The following KDSR variants were observed in gnomAD, a reference collection of about 807,000 sequenced individuals.
KDSR encodes 3-dehydrosphinganine reductase.
Under a neutral mutation model 41.3 loss-of-function variants are expected in KDSR, and 23 were observed. The ratio of observed to expected loss-of-function variants is 0.56; its 90% CI spans 0.40 to 0.79. The LOEUF is 0.79. Ranked by LOEUF, KDSR falls within the 30% of genes least tolerant of loss-of-function variation. The pLI is 0.00. For synonymous variants in KDSR, 138 were observed against 151.7 expected (o/e 0.91, Z 0.66); for missense variants, 351 against 416.8 (o/e 0.84, Z 1.37).
intron 7 of KDSR, among the ~76,000 whole-genome samples, chr18:63,342,083 CTCTTG>C: frequency 6.7e-6 from 1 of 150,090 alleles, no homozygotes; most frequent in East Asian, 2.0e-4. Context: ...GCACGAGAAT[CTCTTG>C]AACCCAGGAG....
chr18:63,341,312 A>C (rs1389852129), intron 7 of KDSR, among the ~76,000 whole-genome samples: 1 of 152,218 alleles, frequency 6.6e-6, no homozygotes, highest in East Asian at 1.9e-4. Flanking sequence ...GAAATCCATG[A>C]AATAAGGCAA....
Position 63,331,282 on chromosome 18 carries a change from GAGACAGA to G in KDSR, c.*493_*499del, listed in dbSNP as rs1568273610. 8.4e-5 allele frequency: 3 copies of G among 35,914 alleles called. No homozygotes were observed. The highest frequency in any genetic ancestry group is 3.2e-4 in the African/African-American group (3 of 9,452). 2.2% of individuals were successfully genotyped at this position (35,914 alleles called of 1,614,324 possible). ...AAAGAAAGAAAGAGAGAGAGAGAGA[GAGACAGA>G]GAGACAGAGAGACAGAGAGACAGAG... On this transcript the variant is annotated 3_prime_UTR_variant, in exon 10 of 10. Coordinates refer to ENST00000645214, the MANE Select transcript of KDSR (RefSeq NM_002035.4).
rs182695654 is a variant in KDSR at position 63,364,209 on chromosome 18, C to T, written c.109-1341G>A. Among the ~76,000 whole-genome samples the T allele has an allele frequency of 3.9e-5, 6 of 152,270 alleles. No individual in the cohort carries two copies. In the East Asian group the frequency reaches 1.2e-3, roughly 29 times the overall value. The stretch of plus-strand genomic sequence containing the variant: ...AAGCCTTCACTGTCTCCCCTGCCCC[C>T]ACACTGACACACTTTTCAGCACTGT... On this transcript the variant is annotated intron_variant, in intron 1 of 9. Transcript: ENST00000645214.
intron 6 of KDSR, among the ~76,000 whole-genome samples, chr18:63,346,818 C>T (rs982447241): frequency 3.3e-5 from 5 of 152,158 alleles, no homozygotes; most frequent in African/African-American, 7.2e-5. Flanking sequence ...ATGCCAGTAT[C>T]GTTCTAAGAA....
intron 6 of KDSR, among the ~76,000 whole-genome samples, chr18:63,348,188 A>G (rs1226115824): frequency 6.6e-6 from 1 of 152,108 alleles, no homozygotes; most frequent in Non-Finnish European, 1.5e-5. Flanking sequence ...ACACACTTGT[A>G]GTCCCAGCTA....
In KDSR at chr18:63,330,839, G is replaced by T. The variant is rs181309339; in HGVS notation, c.*943C>A. On this transcript the variant is annotated 3_prime_UTR_variant, in exon 10 of 10. Transcript: ENST00000645214. ...TTTTTTTTTTTACAAAAATATTACA[G>T]CAGTATAAGCAAAATTGGAAAGGAA... is the stretch of plus-strand genomic sequence containing the variant. The T allele has an allele frequency of 4.1e-5, 9 of 219,048 alleles. No homozygotes were observed. In the East Asian group the frequency reaches 5.8e-4, roughly 14 times the overall value. The allele number at this position is 219,048 out of a possible 1,614,324, so 13.6% of individuals were successfully genotyped here. A position where few individuals can be genotyped will look rare whatever the true frequency, so the allele number is the denominator to read the frequency against.
chr18:63,360,286 G>T (rs531513122), intron 2 of KDSR, among the ~76,000 whole-genome samples: 56 of 152,242 alleles, frequency 3.7e-4, no homozygotes, highest in African/African-American at 1.3e-3. Context: ...ACTAGGCCTG[G>T]CTACTATAAA....
chr18:63,337,882 C>T lies in KDSR; in HGVS notation c.777+918G>A, dbSNP rs111730263. Among the ~76,000 whole-genome samples, 107 of 152,266 alleles carry T rather than the reference C, an allele frequency of 7.0e-4. 1 individual carries two copies. The highest frequency in any genetic ancestry group is 2.4e-3 in the African/African-American group (100 of 41,556). ...GGCAGAGGTTGCAGTGAGCCAAGAT[C>T]GTGCCACTGCACTCCAGCCTGGGCA... is the stretch of plus-strand genomic sequence containing the variant. On this transcript the variant is annotated intron_variant, in intron 8 of 9. Transcript: ENST00000645214.
chr18:63,341,482 AAAG>A (rs1914338464), intron 7 of KDSR, among the ~76,000 whole-genome samples: 1 of 152,076 alleles, frequency 6.6e-6, no homozygotes, highest in African/African-American at 2.4e-5. Context: ...TTAAAAAAAA[AAAG>A]AGAGAGAAAA....
chr18:63,348,954 A>T (rs2144363659), intron 6 of KDSR, among the ~76,000 whole-genome samples: 1 of 152,364 alleles, frequency 6.6e-6, no homozygotes, highest in African/African-American at 2.4e-5. Context: ...CCTGGGGTCA[A>T]GGCTTGGATC....
At chr18:63,359,820 T>C (rs769801640) in intron 2 of KDSR, 28 bp from the exon 3 acceptor site, 11 of 1,533,902 alleles carry the variant, frequency 7.2e-6, no homozygotes, top group African/African-American at 2.7e-5. Context: ...TAATTAGTCG[T>C]GATGACCGTC....
Position 63,327,756 on chromosome 18 carries a change from TA to T in KDSR, c.*4025del, listed in dbSNP as rs1913847574. The T allele has an allele frequency of 5.5e-6, 1 of 182,822 alleles. No homozygotes were observed. Among genetic ancestry groups the T allele is most frequent in the South Asian group, 2.0e-4 (1 of 5,106 alleles). The allele number at this position is 182,822 out of a possible 1,614,324, so 11.3% of individuals were successfully genotyped here. On this transcript the variant is annotated 3_prime_UTR_variant, in exon 10 of 10. Coordinates refer to ENST00000645214, the MANE Select transcript of KDSR (RefSeq NM_002035.4). Reference sequence around the variant, plus strand: ...AAATCTGTAAGTCTTGTTCCCCATTTATTTTTTTGTTGTGATTCAGAAATAC... The same window carrying T: ...AAATCTGTAAGTCTTGTTCCCCATTTTTTTTTTGTTGTGATTCAGAAATAC...
chr18:63,365,211 T>C (rs572441399), intron 1 of KDSR, among the ~76,000 whole-genome samples: 67 of 152,332 alleles, frequency 4.4e-4, no homozygotes, highest in Non-Finnish European at 8.4e-4. Context: ...AGGTGGGTGA[T>C]TTTCTGCTTT....
At chr18:63,352,080 A>G (rs1914674941) in intron 5 of KDSR, among the ~76,000 whole-genome samples, 1 of 152,098 alleles carries the variant, frequency 6.6e-6, no homozygotes, top group African/African-American at 2.4e-5. Flanking sequence ...CACTGCGCCT[A>G]GCCTGAGCTC....
At chr18:63,365,321 T>C (rs1370062677) in intron 1 of KDSR, among the ~76,000 whole-genome samples, 1 of 152,250 alleles carries the variant, frequency 6.6e-6, no homozygotes, top group Non-Finnish European at 1.5e-5. Context: ...TAATTATGTA[T>C]GGGCAGACAG....
chr18:63,357,590 A>ATTTTTT (rs879287574), intron 3 of KDSR, among the ~76,000 whole-genome samples: 73 of 95,178 alleles, frequency 7.7e-4, no homozygotes, highest in African/African-American at 1.6e-3. Flanking sequence ...ATATATATAT[A>ATTTTTT]TATATTTTTT....
intron 5 of KDSR, among the ~76,000 whole-genome samples, chr18:63,354,338 T>C (rs1468192740): frequency 1.3e-5 from 2 of 152,024 alleles, no homozygotes; most frequent in Admixed American, 1.3e-4. Context: ...AAAAAGATTG[T>C]TGATGCGATG....
intron 5 of KDSR, among the ~76,000 whole-genome samples, chr18:63,354,054 C>T (rs527518073): frequency 6.6e-6 from 1 of 152,176 alleles, no homozygotes; most frequent in Admixed American, 6.5e-5. Flanking sequence ...TTTCCCCTCT[C>T]CACAGGGTAG....
Position 63,359,744 on chromosome 18 carries a change from C to T in KDSR, c.247G>A (p.Asp83Asn). 1 of 1,602,096 alleles carries T rather than the reference C, an allele frequency of 6.2e-7. No individual in the cohort carries two copies. The highest frequency in any genetic ancestry group is 2.2e-5 in the East Asian group (1 of 44,748). Reference protein sequence around the residue: ...KKEIEMHSINDKQVVLCISVD... With the variant: ...KKEIEMHSINNKQVVLCISVD... ...TGAAGACAGAGATTTACCTGTTTGT[C>T]ATTAATAGAGTGCATTTCAATTTCT... is the stretch of plus-strand genomic sequence containing the variant. The change falls in exon 3 of 10, where the codon GAC becomes AAC. Residue 83 changes from aspartate to asparagine, a missense_variant. Asp to Asn is a conservative substitution (Grantham distance 23). Transcript: ENST00000645214.
Sources: gnomAD v4.1 joint callset for allele counts (sites outside exome capture counted in the v4.1 genomes callset) on GRCh38, gnomAD v4.1.1 for gene constraint, MANE v1.5 for transcripts, NCBI Gene and HGNC (gene_info 2026-07-23, HGNC 2026-07-21) for gene names.